Variants in ROBO2 observed in about 807,000 individuals in gnomAD.
The protein encoded by ROBO2 is roundabout guidance receptor 2, also known as roundabout homolog 2.
In ROBO2, 53 loss-of-function variants were observed where a neutral mutation model predicts 160.8. The observed-to-expected ratio is 0.33, with a 90% CI of 0.26 to 0.41. ROBO2 has a LOEUF of 0.41. Ranked by LOEUF, ROBO2 falls within the 10% of genes least tolerant of loss-of-function variation. The pLI, the probability that ROBO2 is intolerant of heterozygous loss-of-function variation, is 1.00. For synonymous variants in ROBO2, 664 were observed against 611.7 expected, an observed-to-expected ratio of 1.09 and a Z score of -1.26; for missense variants, 1,577 against 1,722.4, an observed-to-expected ratio of 0.92 and a Z score of 1.49.
intron 2 of ROBO2, among the ~76,000 whole-genome samples, chr3:77,165,754 T>C (rs913416674): frequency 1.3e-5 from 2 of 152,090 alleles, no homozygotes; most frequent in African/African-American, 2.4e-5. Context: ...AGCACCTGGA[T>C]TGTGAAATAG....
chr3:77,503,464 C>T (rs2087943648), intron 5 of ROBO2, among the ~76,000 whole-genome samples: 1 of 150,920 alleles, frequency 6.6e-6, no homozygotes, highest in Non-Finnish European at 1.5e-5. Context: ...GCAGAGCTTG[C>T]AGTGAGCCAA....
intron 2 of ROBO2, among the ~76,000 whole-genome samples, chr3:76,894,638 T>C (rs966397249): frequency 3.3e-5 from 5 of 152,148 alleles, no homozygotes; most frequent in Non-Finnish European, 5.9e-5. Context: ...CAGTAAGTTA[T>C]CATAGTTCTC....
At chr3:77,292,278 G>T (rs572695810) in intron 2 of ROBO2, among the ~76,000 whole-genome samples, 1 of 151,418 alleles carries the variant, frequency 6.6e-6, no homozygotes, top group South Asian at 2.1e-4. Flanking sequence ...GCTGAGGCTA[G>T]ATCACCCAGA....
intron 5 of ROBO2, among the ~76,000 whole-genome samples, chr3:77,505,727 T>A (rs1019332793): frequency 6.6e-6 from 1 of 152,148 alleles, no homozygotes; most frequent in African/African-American, 2.4e-5. Flanking sequence ...TAGAAATAAC[T>A]CATTTAATCT....
chr3:76,751,927 C>T (rs2060677474), intron 2 of ROBO2, among the ~76,000 whole-genome samples: 1 of 152,124 alleles, frequency 6.6e-6, no homozygotes, highest in Admixed American at 6.6e-5. Context: ...TTTGACCCAG[C>T]CATCCCATTA....
intron 2 of ROBO2, among the ~76,000 whole-genome samples, chr3:76,047,162 G>C (rs1486344343): frequency 2.0e-5 from 3 of 152,090 alleles, no homozygotes; most frequent in Non-Finnish European, 4.4e-5. Flanking sequence ...TTAATACACT[G>C]TATAATTCCT....
intron 2 of ROBO2, among the ~76,000 whole-genome samples, chr3:76,021,734 C>T (rs529829947): frequency 1.3e-5 from 2 of 151,702 alleles, no homozygotes; most frequent in African/African-American, 2.4e-5. Context: ...AAAATGCTAA[C>T]GATTATCTAT....
chr3:77,632,370 C>A, intron 23 of ROBO2: 1 of 837,708 alleles, frequency 1.2e-6, no homozygotes. Context: ...GATGAAACTT[C>A]AAGGAAGAAG....
At chr3:76,904,425 T>A (rs1214465732) in intron 2 of ROBO2, among the ~76,000 whole-genome samples, 1 of 152,202 alleles carries the variant, frequency 6.6e-6, no homozygotes, top group Non-Finnish European at 1.5e-5. Context: ...CAAAACCTAC[T>A]GAACCAAATA....
chr3:76,232,142 G>T (rs2107474318), intron 2 of ROBO2, among the ~76,000 whole-genome samples: 1 of 152,232 alleles, frequency 6.6e-6, no homozygotes, highest in South Asian at 2.1e-4. Context: ...CACTCAGCAA[G>T]ATCACTAAGA....
intron 2 of ROBO2, among the ~76,000 whole-genome samples, chr3:76,058,324 A>G (rs1054815053): frequency 6.6e-6 from 1 of 151,846 alleles, no homozygotes; most frequent in East Asian, 2.0e-4. Flanking sequence ...TCATTGTTCA[A>G]CTCCCACTTA....
intron 5 of ROBO2, among the ~76,000 whole-genome samples, chr3:77,503,386 G>A (rs1004841809): frequency 1.3e-5 from 2 of 151,136 alleles, no homozygotes; most frequent in Non-Finnish European, 3.0e-5. Flanking sequence ...TTAGCCAGGC[G>A]TGGTGGCGGC....
intron 2 of ROBO2, among the ~76,000 whole-genome samples, chr3:76,329,022 T>C (rs1378643295): frequency 6.6e-6 from 1 of 151,500 alleles, no homozygotes. Context: ...GCAGACTGGT[T>C]GTCAGAACTC....
chr3:77,240,062 G>A (rs2088757507), intron 2 of ROBO2, among the ~76,000 whole-genome samples: 2 of 152,204 alleles, frequency 1.3e-5, no homozygotes, highest in Non-Finnish European at 2.9e-5. Context: ...CATAGGCGGA[G>A]CTGCCAGCCA....
At chr3:76,140,031 C>T (rs529540325) in intron 2 of ROBO2, among the ~76,000 whole-genome samples, 5 of 152,086 alleles carry the variant, frequency 3.3e-5, no homozygotes, top group Middle Eastern at 3.4e-3. Flanking sequence ...TATAAATAGC[C>T]AACTGACTGC....
intron 2 of ROBO2, among the ~76,000 whole-genome samples, chr3:77,354,560 G>A (rs748654520): frequency 4.7e-4 from 71 of 152,134 alleles, no homozygotes; most frequent in Non-Finnish European, 1.3e-4. Flanking sequence ...AAGAATTTGG[G>A]GAAAGATTGT....
intron 2 of ROBO2, among the ~76,000 whole-genome samples, chr3:76,686,846 G>C (rs970888226): frequency 5.9e-5 from 9 of 151,896 alleles, no homozygotes; most frequent in African/African-American, 2.2e-4. Context: ...TAATATAAAA[G>C]CTACAGCTAT....
intron 2 of ROBO2, among the ~76,000 whole-genome samples, chr3:76,968,670 G>A (rs72902010): frequency 0.044 from 6,662 of 152,100 alleles, 463 homozygotes; most frequent in African/African-American, 0.15. Flanking sequence ...TGAATATTTT[G>A]ATTTTTAAAT....
At chr3:77,545,828 T>C (rs1040603838) in intron 6 of ROBO2, among the ~76,000 whole-genome samples, 6 of 152,100 alleles carry the variant, frequency 3.9e-5, no homozygotes, top group African/African-American at 1.4e-4. Flanking sequence ...CTTTCAACTC[T>C]TGAATTCTAG....
Sources: allele counts gnomAD v4.1 joint callset (sites outside exome capture counted in the v4.1 genomes callset), GRCh38; gene constraint gnomAD v4.1.1; transcripts MANE v1.5; gene names NCBI Gene and HGNC (gene_info 2026-07-23, HGNC 2026-07-21).